Variants in SAMD12 observed in about 807,000 individuals in gnomAD.
SAMD12 encodes sterile alpha motif domain containing 12.
Under a neutral mutation model 15.0 loss-of-function variants are expected in SAMD12, and 9 were observed. That is an observed-to-expected ratio of 0.60 (90% CI 0.36 to 1.05). The LOEUF (loss-of-function observed/expected upper bound fraction) is 1.05, where lower values mean the gene tolerates loss of function less well. Ranked by LOEUF, SAMD12 falls within the 50% of genes least tolerant of loss-of-function variation. The pLI is 0.01. For synonymous variants in SAMD12, 86 were observed against 90.1 expected (o/e 0.96, Z 0.25); for missense variants, 230 against 234.2 (o/e 0.98, Z 0.12).
At position 118,621,932 on chromosome 8, in the gene SAMD12, G is replaced by T; in HGVS notation, c.-116C>A. 1 of 1,258,360 alleles carries T rather than the reference G, an allele frequency of 7.9e-7. No individual in the cohort carries two copies. Among genetic ancestry groups the T allele is most frequent in the Non-Finnish European group, 1.2e-6 (1 of 857,990 alleles). 77.9% of individuals were successfully genotyped at this position (1,258,360 alleles called of 1,614,324 possible). A position where few individuals can be genotyped will look rare whatever the true frequency, so the allele number is the denominator to read the frequency against. On this transcript the variant is annotated 5_prime_UTR_variant, in exon 1 of 4. Coordinates refer to ENST00000314727, the MANE Select transcript of SAMD12 (RefSeq NM_207506.3). The stretch of plus-strand genomic sequence containing the variant: ...AATATTCTGCGCTTATCTGCTCCAG[G>T]ACCAACCTGCCGCGGTCACGCAAAG...
At chr8:118,586,367 G>C (rs1827441747) in intron 1 of SAMD12, among the ~76,000 whole-genome samples, 1 of 140,912 alleles carries the variant, frequency 7.1e-6, no homozygotes, top group South Asian at 2.2e-4. Context: ...TTTTGAGACA[G>C]TGTTTTGCTC....
intron 2 of SAMD12, among the ~76,000 whole-genome samples, chr8:118,514,815 A>G (rs1346118510): frequency 1.3e-5 from 2 of 152,214 alleles, no homozygotes; most frequent in South Asian, 2.1e-4. Context: ...AGGAAAGGAC[A>G]TCTGTACTTA....
chr8:118,225,360 C>G (rs1159260958), intron 4 of SAMD12, among the ~76,000 whole-genome samples: 1 of 152,058 alleles, frequency 6.6e-6, no homozygotes, highest in African/African-American at 2.4e-5. Context: ...ATGCTGTTGT[C>G]TGGAAACTAA....
intron 1 of SAMD12, among the ~76,000 whole-genome samples, chr8:118,605,621 A>G (rs1183511969): frequency 6.6e-6 from 1 of 151,976 alleles, no homozygotes; most frequent in Non-Finnish European, 1.5e-5. Context: ...TTCATCTAGG[A>G]AATGGAGATA....
intron 2 of SAMD12, among the ~76,000 whole-genome samples, chr8:118,513,149 T>C (rs936527254): frequency 2.6e-5 from 4 of 152,214 alleles, no homozygotes; most frequent in African/African-American, 9.7e-5. Context: ...AGTTGATGCA[T>C]TTCAGACATG....
chr8:118,229,123 G>A (rs1164223666), intron 4 of SAMD12, among the ~76,000 whole-genome samples: 3 of 152,194 alleles, frequency 2.0e-5, no homozygotes, highest in African/African-American at 7.2e-5. Flanking sequence ...ATGGACTTTA[G>A]GGACTTGAAG....
At chr8:118,427,616 G>A (rs916315621) in intron 3 of SAMD12, among the ~76,000 whole-genome samples, 1 of 101,720 alleles carries the variant, frequency 9.8e-6, no homozygotes, top group African/African-American at 2.6e-5. Flanking sequence ...CACATTGTGT[G>A]CACAGTAGTA....
intron 2 of SAMD12, among the ~76,000 whole-genome samples, chr8:118,517,527 A>G (rs1825276908): frequency 1.3e-5 from 2 of 152,202 alleles, no homozygotes; most frequent in African/African-American, 4.8e-5. Flanking sequence ...CACATCCATG[A>G]GGGCAACCTG....
intron 2 of SAMD12, among the ~76,000 whole-genome samples, chr8:118,460,925 A>G (rs186964386): frequency 1.0e-3 from 157 of 152,290 alleles, no homozygotes; most frequent in Non-Finnish European, 1.7e-3. Context: ...TACATCACTC[A>G]TCACTTTCTC....
intron 4 of SAMD12, among the ~76,000 whole-genome samples, chr8:118,311,465 A>G (rs544464183): frequency 6.6e-6 from 1 of 152,342 alleles, no homozygotes; most frequent in African/African-American, 2.4e-5. Flanking sequence ...ACAAAGCACG[A>G]AACACTTACT....
intron 4 of SAMD12, among the ~76,000 whole-genome samples, chr8:118,369,690 G>A (rs780257118): frequency 3.0e-4 from 46 of 151,708 alleles, no homozygotes; most frequent in Non-Finnish European, 5.3e-4. Flanking sequence ...ACTCCCGCCC[G>A]GGCAACAAGA....
At chr8:118,335,576 A>G (rs1367076956) in intron 4 of SAMD12, among the ~76,000 whole-genome samples, 1 of 152,194 alleles carries the variant, frequency 6.6e-6, no homozygotes, top group Non-Finnish European at 1.5e-5. Context: ...ATGCCAGTTT[A>G]TCATTAAAGT....
At chr8:118,480,759 T>C (rs1181891807) in intron 2 of SAMD12, among the ~76,000 whole-genome samples, 3 of 152,214 alleles carry the variant, frequency 2.0e-5, no homozygotes, top group African/African-American at 7.2e-5. Context: ...TAATGAGGCC[T>C]GCAAGGCTGC....
chr8:118,413,467 C>T (rs891136447), intron 3 of SAMD12, among the ~76,000 whole-genome samples: 3 of 152,146 alleles, frequency 2.0e-5, no homozygotes, highest in African/African-American at 7.2e-5. Flanking sequence ...CCTAATCCTA[C>T]ATAGCCTTAA....
chr8:118,410,453 T>C (rs932836144), intron 3 of SAMD12, among the ~76,000 whole-genome samples: 2 of 152,210 alleles, frequency 1.3e-5, no homozygotes, highest in African/African-American at 4.8e-5. Flanking sequence ...AGGGACGATA[T>C]CTCCTGCTTC....
chr8:118,526,153 G>C (rs917322293), intron 2 of SAMD12, among the ~76,000 whole-genome samples: 1 of 152,142 alleles, frequency 6.6e-6, no homozygotes, highest in African/African-American at 2.4e-5. Context: ...GCATCCTGCT[G>C]TTCTACATGG....
At chr8:118,529,575 T>C (rs1036918696) in intron 2 of SAMD12, among the ~76,000 whole-genome samples, 1 of 152,188 alleles carries the variant, frequency 6.6e-6, no homozygotes, top group African/African-American at 2.4e-5. Context: ...GTTGCCAGTG[T>C]CTATTATTCC....
intron 4 of SAMD12, among the ~76,000 whole-genome samples, chr8:118,320,519 C>CA (rs1050853789): frequency 6.6e-6 from 1 of 151,738 alleles, no homozygotes; most frequent in East Asian, 1.9e-4. Flanking sequence ...TAGAAAATTA[C>CA]AAAAATCAAC....
At chr8:118,182,987 C>A in the SAMD12 span, among the ~76,000 whole-genome samples, 1 of 152,260 alleles carries the variant, frequency 6.6e-6, no homozygotes, top group Admixed American at 6.5e-5. Context: ...CACCCAATAT[C>A]GAATTAGCTA....
Sources: allele counts gnomAD v4.1 joint callset (sites outside exome capture counted in the v4.1 genomes callset), GRCh38; gene constraint gnomAD v4.1.1; transcripts MANE v1.5; gene names NCBI Gene and HGNC (gene_info 2026-07-23, HGNC 2026-07-21).